The following PIK3C2G variants were observed in gnomAD, a reference collection of about 807,000 sequenced individuals.
The protein encoded by PIK3C2G is phosphatidylinositol-4-phosphate 3-kinase catalytic subunit type 2 gamma.
In PIK3C2G, 168 loss-of-function variants were observed where a neutral mutation model predicts 181.1. The observed-to-expected ratio is 0.93, with a 90% CI of 0.82 to 1.05. PIK3C2G has a LOEUF of 1.05. PIK3C2G is among the 50% of genes least tolerant of loss of function. PIK3C2G has a pLI of 0.00. For missense variants in PIK3C2G, 1,869 were observed against 1,732.8 expected, an observed-to-expected ratio of 1.08 and a Z score of -1.40; for synonymous variants, 573 against 592.2, an observed-to-expected ratio of 0.97 and a Z score of 0.47.
chr12:18,546,210 T>C (rs1944412544), intron 25 of PIK3C2G, 113 bp from the exon 26 acceptor site: 1 of 648,686 alleles, frequency 1.5e-6, no homozygotes, highest in African/African-American at 1.8e-5. Flanking sequence ...TGAAAGACAT[T>C]GCCATGCAAA....
At chr12:18,444,663 A>C (rs537863596) in intron 18 of PIK3C2G, among the ~76,000 whole-genome samples, 1 of 152,072 alleles carries the variant, frequency 6.6e-6, no homozygotes, top group South Asian at 2.1e-4. Context: ...AACAATGACT[A>C]TTTTTTTCTT....
At chr12:18,724,223 G>C in the PIK3C2G span, among the ~76,000 whole-genome samples, 14 of 152,090 alleles carry the variant, frequency 9.2e-5, no homozygotes, top group African/African-American at 2.9e-4. Context: ...GAGCAGATAA[G>C]ATGAAATTCA....
intron 16 of PIK3C2G, among the ~76,000 whole-genome samples, chr12:18,416,766 T>C (rs1241107103): frequency 1.3e-5 from 2 of 152,210 alleles, no homozygotes; most frequent in South Asian, 2.1e-4. Flanking sequence ...TCATTGACAA[T>C]GCACCCAGTC....
At chr12:18,497,995 T>A (rs1941153040) in intron 22 of PIK3C2G, among the ~76,000 whole-genome samples, 1 of 152,198 alleles carries the variant, frequency 6.6e-6, no homozygotes, top group Admixed American at 6.5e-5. Context: ...ACTGTGATTT[T>A]ATTTTATGTG....
At chr12:18,311,531 G>C (rs973874562) in intron 5 of PIK3C2G, among the ~76,000 whole-genome samples, 2 of 50,440 alleles carry the variant, frequency 4.0e-5, no homozygotes, top group African/African-American at 1.4e-4. Flanking sequence ...GTATAAAGGG[G>C]TGTGTGTGTG....
At chr12:18,504,608 C>A (rs1170140258) in intron 23 of PIK3C2G, among the ~76,000 whole-genome samples, 4 of 152,156 alleles carry the variant, frequency 2.6e-5, no homozygotes, top group Admixed American at 2.6e-4. Context: ...CCTGGTTACA[C>A]CACCAAGTTG....
intron 14 of PIK3C2G, among the ~76,000 whole-genome samples, 166 bp downstream of exon 14, chr12:18,382,046 A>G (rs899235034): frequency 2.6e-5 from 4 of 152,110 alleles, no homozygotes; most frequent in African/African-American, 9.7e-5. Flanking sequence ...TATGTACAGT[A>G]CTCTCAAAGC....
At chr12:18,348,350 G>A (rs1021070791) in intron 11 of PIK3C2G, among the ~76,000 whole-genome samples, 15 of 151,970 alleles carry the variant, frequency 9.9e-5, no homozygotes, top group South Asian at 4.1e-4. Flanking sequence ...GTGTGTGTGC[G>A]TATGAATGAT....
At chr12:18,413,210 T>C (rs1401818045) in intron 16 of PIK3C2G, among the ~76,000 whole-genome samples, 1 of 152,134 alleles carries the variant, frequency 6.6e-6, no homozygotes, top group East Asian at 1.9e-4. Context: ...AGCGATGAGA[T>C]CTTGTCCTTT....
chr12:18,661,568 A>G, the PIK3C2G span, among the ~76,000 whole-genome samples: 5 of 152,214 alleles, frequency 3.3e-5, no homozygotes, highest in Non-Finnish European at 5.9e-5. Context: ...ATTATTAATC[A>G]GAAAAATGCA....
At chr12:18,314,310 C>T (rs1950767504) in intron 6 of PIK3C2G, among the ~76,000 whole-genome samples, 1 of 152,022 alleles carries the variant, frequency 6.6e-6, no homozygotes, top group Non-Finnish European at 1.5e-5. Context: ...GTCTGTGTCC[C>T]CCCAAAATTC....
intron 29 of PIK3C2G, among the ~76,000 whole-genome samples, chr12:18,591,089 GT>G (rs1438293583): frequency 3.3e-5 from 5 of 152,002 alleles, no homozygotes; most frequent in South Asian, 2.1e-4. Flanking sequence ...GCAGTCTGAG[GT>G]TTGATTTTAT....
downstream of PIK3C2G, among the ~76,000 whole-genome samples, chr12:18,650,726 A>G (rs12824614): frequency 0.013 from 289 of 21,486 alleles, 13 homozygotes; most frequent in African/African-American, 0.1. Flanking sequence ...ATATATATAT[A>G]TATATATATA....
At chr12:18,364,976 G>T (rs2137822370) in intron 12 of PIK3C2G, among the ~76,000 whole-genome samples, 1 of 152,242 alleles carries the variant, frequency 6.6e-6, no homozygotes, top group South Asian at 2.1e-4. Context: ...ATTTCTGGTT[G>T]TTTTAAAACA....
intron 5 of PIK3C2G, among the ~76,000 whole-genome samples, chr12:18,309,816 A>G (rs908897214): frequency 4.0e-5 from 6 of 151,814 alleles, no homozygotes; most frequent in African/African-American, 1.4e-4. Context: ...TTTTGTAGAC[A>G]ACATTTTGAT....
chr12:18,545,603 C>T (rs1296148188), intron 25 of PIK3C2G, among the ~76,000 whole-genome samples: 11 of 151,648 alleles, frequency 7.3e-5, no homozygotes, highest in Non-Finnish European at 1.5e-5. Flanking sequence ...CCTCAGTCTA[C>T]ACTGTAATAT....
intron 25 of PIK3C2G, among the ~76,000 whole-genome samples, chr12:18,544,742 T>G (rs1022564821): frequency 1.3e-5 from 2 of 151,890 alleles, no homozygotes; most frequent in Middle Eastern, 3.2e-3. Context: ...TAATAGATCA[T>G]CCAGGAGGAT....
chr12:18,566,046 T>C (rs1945619063), intron 28 of PIK3C2G, among the ~76,000 whole-genome samples: 1 of 152,220 alleles, frequency 6.6e-6, no homozygotes, highest in Admixed American at 6.5e-5. Flanking sequence ...TAAAGACTTT[T>C]AAGTCTTAGG....
intron 19 of PIK3C2G, among the ~76,000 whole-genome samples, chr12:18,489,603 A>C (rs1447410): frequency 0.64 from 97,825 of 151,810 alleles, 31,992 homozygotes; most frequent in East Asian, 0.93. Flanking sequence ...TAAATGGGAG[A>C]TATATAGACT....
Sources: gnomAD v4.1 joint callset for allele counts (sites outside exome capture counted in the v4.1 genomes callset) on GRCh38, gnomAD v4.1.1 for gene constraint, MANE v1.5 for transcripts, NCBI Gene and HGNC (gene_info 2026-07-23, HGNC 2026-07-21) for gene names.